CACNA1C: variants seen among roughly 807,000 people sequenced by gnomAD.
CACNA1C encodes voltage-dependent L-type calcium channel subunit alpha-1C.
Under a neutral mutation model 229.0 loss-of-function variants are expected in CACNA1C, and 30 were observed. The observed-to-expected ratio is 0.13, with a 90% confidence interval of 0.10 to 0.18. The LOEUF (loss-of-function observed/expected upper bound fraction) is 0.18. Ranked by LOEUF, CACNA1C falls within the 10% of genes least tolerant of loss-of-function variation. The pLI is 1.00. For missense variants in CACNA1C, 1,658 were observed against 2,845.0 expected (o/e 0.58, Z 9.49); for synonymous variants, 1,114 against 1,132.5 (o/e 0.98, Z 0.33).
At chr12:2,673,505 T>C (rs1271590084) in intron 38 of CACNA1C, among the ~76,000 whole-genome samples, 2 of 151,142 alleles carry the variant, frequency 1.3e-5, no homozygotes, top group East Asian at 1.9e-4. Context: ...TAGTAGCTCA[T>C]GGTTTTGCAG....
At position 2,568,865 on chromosome 12, in the gene CACNA1C, A is replaced by G. The variant is rs532169866; in HGVS notation, c.1895+1071A>G. Among the ~76,000 whole-genome samples the G allele has an allele frequency of 4.6e-5, 7 of 152,264 alleles. No homozygotes were observed. The South Asian group carries it at 1.2e-3, about 27-fold the overall frequency. ...TGTATTTAGCACCACTGAATTCTAC[A>G]GTTTAAAAAAAAAGGTTAAGATGGT... On this transcript the variant is annotated intron_variant, in intron 13 of 46. Coordinates refer to ENST00000399655, the MANE Select transcript of CACNA1C (RefSeq NM_000719.7).
At position 2,384,710 on chromosome 12, in the gene CACNA1C, G is replaced by T. The variant is rs538509477; in HGVS notation, c.478-64266G>T. 3.9e-5 allele frequency among the ~76,000 whole-genome samples: 6 copies of T among 152,334 alleles called. No individual in the cohort carries two copies. The South Asian group carries it at 1.2e-3, about 32-fold the overall frequency. On this transcript the variant is annotated intron_variant, in intron 3 of 46. Transcript: ENST00000399655. ...CTGCAACCTGGGTCTCCAGCCTCTT[G>T]CAGTCTTGGTCCTCACCGTGGCATA... is the stretch of plus-strand genomic sequence containing the variant.
At chr12:2,619,729 CTT>C (rs1021726004) in intron 29 of CACNA1C, among the ~76,000 whole-genome samples, 3 of 152,124 alleles carry the variant, frequency 2.0e-5, no homozygotes, top group African/African-American at 7.2e-5. Context: ...TTCAAGAACT[CTT>C]TGTTTGTGTG....
intron 3 of CACNA1C, among the ~76,000 whole-genome samples, chr12:2,291,642 A>G (rs1435390296): frequency 6.6e-6 from 1 of 152,174 alleles, no homozygotes; most frequent in African/African-American, 2.4e-5. Context: ...GCTGTGACGG[A>G]GCAGAGCTAG....
chr12:2,299,022 A>G (rs920922585), intron 3 of CACNA1C, among the ~76,000 whole-genome samples: 1 of 152,342 alleles, frequency 6.6e-6, no homozygotes, highest in South Asian at 2.1e-4. Context: ...TAGTGAGGGC[A>G]TTAAAACATT....
chr12:2,457,534 C>A, intron 4 of CACNA1C, 33 bp from the exon 5 acceptor site: 1 of 1,595,512 alleles, frequency 6.3e-7, no homozygotes. Flanking sequence ...AAAACCCAGT[C>A]CTGACAGTCC....
chr12:2,170,483 C>T (rs1278850146), intron 3 of CACNA1C, among the ~76,000 whole-genome samples: 1 of 152,214 alleles, frequency 6.6e-6, no homozygotes, highest in African/African-American at 2.4e-5. Context: ...AAGACTGGGT[C>T]TTGGCCCAGG....
rs1292871671 is a variant in CACNA1C at position 2,605,432 on chromosome 12, C to CT, written c.3049-246dup. 2.0e-5 allele frequency among the ~76,000 whole-genome samples: 3 copies of CT among 152,208 alleles called. No individual in the cohort carries two copies. The highest frequency in any genetic ancestry group is 2.0e-4 in the Admixed American group (3 of 15,280). On this transcript the variant is annotated intron_variant, in intron 23 of 46. Coordinates refer to ENST00000399655, the MANE Select transcript of CACNA1C (RefSeq NM_000719.7). The surrounding 1 kb of genome is among the most constrained non-coding windows in gnomAD (Gnocchi z 6.2). ...CTGTGCCCCTGTGGTGCCACCATCCCTATATTCCTTCCACTGTAAGATGGG... is the reference window on the plus strand; with the variant it reads ...CTGTGCCCCTGTGGTGCCACCATCCCTTATATTCCTTCCACTGTAAGATGGG...
intron 9 of CACNA1C, among the ~76,000 whole-genome samples, chr12:2,547,723 C>T (rs1182329413): frequency 1.3e-5 from 2 of 152,180 alleles, no homozygotes; most frequent in African/African-American, 4.8e-5. Flanking sequence ...CTTATCATTG[C>T]TTCATATGTG....
intron 3 of CACNA1C, among the ~76,000 whole-genome samples, chr12:2,294,066 T>C (rs1220458652): frequency 1.3e-5 from 2 of 152,236 alleles, no homozygotes; most frequent in African/African-American, 4.8e-5. Context: ...GACACAACCC[T>C]GACCAGACAT....
In CACNA1C at chr12:2,639,951, G is replaced by C. The variant is rs2093454668; in HGVS notation, c.3912+5571G>C. Among the ~76,000 whole-genome samples, 1 of 152,122 alleles carries C rather than the reference G, an allele frequency of 6.6e-6. No homozygotes were observed. The highest frequency in any genetic ancestry group is 1.5e-5 in the Non-Finnish European group (1 of 68,026). On this transcript the variant is annotated intron_variant, in intron 30 of 46. Transcript: ENST00000399655. The surrounding 1 kb of genome is among the most constrained non-coding windows in gnomAD (Gnocchi z 4.2). Reference sequence around the variant, plus strand: ...AAGAACACTGGCCCTGGAGCTTCTGGGCACAGCTCTCAGGAGGAATTGCTG... The same window carrying C: ...AAGAACACTGGCCCTGGAGCTTCTGCGCACAGCTCTCAGGAGGAATTGCTG...
In CACNA1C at chr12:2,630,689, C is replaced by T. The variant is rs2089979233; in HGVS notation, c.3829-3608C>T. On this transcript the variant is annotated intron_variant, in intron 29 of 46. Transcript: ENST00000399655. This position sits in a 1 kb window ranked among gnomAD's most constrained non-coding sequence, Gnocchi z 5.4. Reference sequence around the variant, plus strand: ...GACCCTGTTTGTGCCCAGACATGTACCCTCACCCACTGCATTCCAGCTCTG... The same window carrying T: ...GACCCTGTTTGTGCCCAGACATGTATCCTCACCCACTGCATTCCAGCTCTG... Among the ~76,000 whole-genome samples, 1 of 152,174 alleles carries T rather than the reference C, an allele frequency of 6.6e-6. No homozygotes were observed.
chr12:2,343,336 C>G (rs1357407345), intron 3 of CACNA1C, among the ~76,000 whole-genome samples: 2 of 152,176 alleles, frequency 1.3e-5, no homozygotes, highest in African/African-American at 2.4e-5. Context: ...TGTTCACAAC[C>G]TTTTTCTTCT....
At chr12:2,443,914 T>C (rs2099252428) in intron 3 of CACNA1C, among the ~76,000 whole-genome samples, 2 of 152,240 alleles carry the variant, frequency 1.3e-5, no homozygotes, top group South Asian at 4.1e-4. Flanking sequence ...GTCATGCCTC[T>C]AAGGTCAGAG....
intron 1 of CACNA1C, among the ~76,000 whole-genome samples, chr12:2,113,302 G>T (rs2082495900): frequency 6.6e-6 from 1 of 152,220 alleles, no homozygotes; most frequent in South Asian, 2.1e-4. Context: ...TTCCTGTGGG[G>T]ACGGGGTGGA....
chr12:2,478,744 A>T (rs1239504849), intron 5 of CACNA1C, among the ~76,000 whole-genome samples: 1 of 152,140 alleles, frequency 6.6e-6, no homozygotes. Flanking sequence ...TGGGATTGGG[A>T]TTCATTGGAG....
At chr12:2,501,385 G>C (rs1310912948) in intron 7 of CACNA1C, among the ~76,000 whole-genome samples, 1 of 152,068 alleles carries the variant, frequency 6.6e-6, no homozygotes, top group Non-Finnish European at 1.5e-5. Flanking sequence ...AGGTGCCTGG[G>C]ACTCCCATTC....
intron 1 of CACNA1C, among the ~76,000 whole-genome samples, chr12:2,037,264 G>A (rs2049313951): frequency 6.6e-6 from 1 of 152,214 alleles, no homozygotes; most frequent in South Asian, 2.1e-4. Flanking sequence ...AGTTGTTTGA[G>A]ACAGAAATAA....
chr12:2,173,401 G>T (rs1277515999), intron 3 of CACNA1C, among the ~76,000 whole-genome samples: 1 of 152,182 alleles, frequency 6.6e-6, no homozygotes, highest in Non-Finnish European at 1.5e-5. Context: ...AGCTTATGAT[G>T]GAAGGTGATC....
Sources: gnomAD v4.1 joint callset for allele counts (sites outside exome capture counted in the v4.1 genomes callset) on GRCh38, gnomAD v4.1.1 for gene constraint, Gnocchi (gnomAD v3.1) non-coding constraint, MANE v1.5 for transcripts, NCBI Gene and HGNC (gene_info 2026-07-23, HGNC 2026-07-21) for gene names.